The following ZNF654 variants were observed in gnomAD, a reference collection of about 807,000 sequenced individuals.
ZNF654 encodes melanoma-associated antigen.
Under a neutral mutation model 95.3 loss-of-function variants are expected in ZNF654, and 19 were observed. The observed-to-expected ratio is 0.20, with a 90% CI of 0.14 to 0.29. The LOEUF is 0.29. Ranked by LOEUF, ZNF654 falls within the 10% of genes least tolerant of loss-of-function variation. The pLI, the probability that ZNF654 is intolerant of heterozygous loss-of-function variation, is 1.00. For missense variants in ZNF654, 1,046 were observed against 1,341.0 expected, an observed-to-expected ratio of 0.78 and a Z score of 3.44; for synonymous variants, 413 against 457.9, an observed-to-expected ratio of 0.90 and a Z score of 1.25.
intron 1 of ZNF654, among the ~76,000 whole-genome samples, chr3:88,082,738 TAAG>T (rs1203855430): frequency 6.6e-6 from 1 of 152,204 alleles, no homozygotes; most frequent in East Asian, 1.9e-4. Context: ...AGAGCTCAAT[TAAG>T]AAACAGATAC....
In ZNF654 at chr3:88,135,151, A is replaced by G; in HGVS notation, c.984A>G (p.Thr328=). The change falls in exon 7 of 9, where the codon ACA becomes ACG. Residue 328 remains threonine, a synonymous_variant. Coordinates refer to ENST00000636215, the MANE Select transcript of ZNF654 (RefSeq NM_001350134.2). ...FVDQCYQLLR[T]ATNVRVIFPF... is the part of the protein sequence containing the mutation. ...ATCAATGCTACCAGCTTTTAAGAACAGCAACTAATGTGAGAGTCATATTTC... is the reference window on the plus strand; with the variant it reads ...ATCAATGCTACCAGCTTTTAAGAACGGCAACTAATGTGAGAGTCATATTTC... The G allele has an allele frequency of 6.7e-7, 1 of 1,492,640 alleles. No individual in the cohort carries two copies. Among genetic ancestry groups the G allele is most frequent in the Non-Finnish European group, 8.9e-7 (1 of 1,126,946 alleles). 92.5% of individuals were successfully genotyped at this position (1,492,640 alleles called of 1,614,324 possible).
chr3:88,086,940 G>T (rs569723446), intron 2 of ZNF654, among the ~76,000 whole-genome samples: 2 of 152,144 alleles, frequency 1.3e-5, no homozygotes, highest in East Asian at 1.9e-4. Flanking sequence ...CCGCCACCAC[G>T]CCTGGCTAAT....
intron 1 of ZNF654, among the ~76,000 whole-genome samples, chr3:88,071,992 A>C (rs542345435): frequency 6.6e-6 from 1 of 152,298 alleles, no homozygotes; most frequent in South Asian, 2.1e-4. Context: ...ACTTTTTCTT[A>C]CTATCAATCA....
rs1418172499 is a variant in ZNF654 at position 88,143,195 on chromosome 3, T to C, written c.*1543T>C. On this transcript the variant is annotated 3_prime_UTR_variant, in exon 9 of 9. Coordinates refer to ENST00000636215, the MANE Select transcript of ZNF654 (RefSeq NM_001350134.2). ...AGGTAGCATCCATATTTTATTAAAT[T>C]AGGATTTCCAGATCATGATAGATCA... 3 of 152,270 alleles carry C rather than the reference T, an allele frequency of 2.0e-5. No individual in the cohort carries two copies. Among genetic ancestry groups the C allele is most frequent in the Non-Finnish European group, 4.4e-5 (3 of 67,764 alleles). 9.4% of individuals were successfully genotyped at this position (152,270 alleles called of 1,614,324 possible). A position where few individuals can be genotyped will look rare whatever the true frequency, so the allele number is the denominator to read the frequency against.
intron 8 of ZNF654, 30 bp downstream of exon 8, chr3:88,141,078 T>G (rs1707096780): frequency 6.5e-7 from 1 of 1,541,598 alleles, no homozygotes; most frequent in South Asian, 1.3e-5. Flanking sequence ...AGTAGAGGTA[T>G]CTGTAGAAAG....
chr3:88,119,473 A>G (rs1705636615), intron 3 of ZNF654, among the ~76,000 whole-genome samples: 1 of 150,270 alleles, frequency 6.7e-6, no homozygotes, highest in Non-Finnish European at 1.5e-5. Context: ...GCGCACCAGC[A>G]TGGCACATGT....
At chr3:88,117,291 G>A (rs1705470774) in intron 3 of ZNF654, among the ~76,000 whole-genome samples, 1 of 152,136 alleles carries the variant, frequency 6.6e-6, no homozygotes, top group African/African-American at 2.4e-5. Context: ...GAAAGTTCCT[G>A]AAAATGTAGG....
At chr3:88,095,910 A>G in intron 2 of ZNF654, 1 of 411,250 alleles carries the variant, frequency 2.4e-6, no homozygotes, top group South Asian at 2.0e-5. Context: ...CACCTTCTCC[A>G]CAGTCTACTC....
At chr3:88,061,418 A>T (rs1706876564) in intron 1 of ZNF654, among the ~76,000 whole-genome samples, 1 of 152,198 alleles carries the variant, frequency 6.6e-6, no homozygotes, top group Admixed American at 6.5e-5. Flanking sequence ...GAACTTAATG[A>T]ACGTTTATTT....
At chr3:88,131,275 A>G (rs368173109) in intron 6 of ZNF654, among the ~76,000 whole-genome samples, 1 of 152,226 alleles carries the variant, frequency 6.6e-6, no homozygotes, top group South Asian at 2.1e-4. Flanking sequence ...CCACTGTTGT[A>G]TACGCAGTCT....
At chr3:88,138,630 GT>G (rs1191396110) in intron 7 of ZNF654, 74 bp from the exon 8 acceptor site, 1 of 899,300 alleles carries the variant, frequency 1.1e-6, no homozygotes, top group Admixed American at 4.3e-5. Context: ...TAAGAGTTGT[GT>G]TTTTTAAAGA....
chr3:88,109,931 G>A (rs1704987742), intron 2 of ZNF654, among the ~76,000 whole-genome samples: 1 of 151,996 alleles, frequency 6.6e-6, no homozygotes, highest in Admixed American at 6.6e-5. Context: ...AGTTTAATCA[G>A]ATTTTTAAAA....
At chr3:88,083,937 TA>T (rs1425203912) in intron 1 of ZNF654, among the ~76,000 whole-genome samples, 1 of 35,940 alleles carries the variant, frequency 2.8e-5, no homozygotes, top group Non-Finnish European at 6.1e-5. Context: ...GTAATGTACT[TA>T]TTTTATATAT....
In ZNF654 at chr3:88,143,501, T is replaced by G. The variant is rs774063350; in HGVS notation, c.*1849T>G. On this transcript the variant is annotated 3_prime_UTR_variant, in exon 9 of 9. Coordinates refer to ENST00000636215, the MANE Select transcript of ZNF654 (RefSeq NM_001350134.2). ...TATGTCTTGTAATAAAAAGTCTGTT[T>G]GGAAACTGGTTCATTTGGACAGTGA... 1.3e-5 allele frequency: 2 copies of G among 152,326 alleles called. No homozygotes were observed. Among genetic ancestry groups the G allele is most frequent in the African/African-American group, 4.8e-5 (2 of 41,438 alleles). 9.4% of individuals were successfully genotyped at this position (152,326 alleles called of 1,614,324 possible).
Position 88,140,963 on chromosome 3 carries a change from C to A in ZNF654, c.3294C>A (p.Thr1098=), listed in dbSNP as rs756956635. The A allele has an allele frequency of 6.2e-7, 1 of 1,613,380 alleles. No individual in the cohort carries two copies. Among genetic ancestry groups the A allele is most frequent in the Non-Finnish European group, 8.5e-7 (1 of 1,179,540 alleles). Residue 1098 remains threonine, a synonymous_variant, in exon 8 of 9, where the codon ACC becomes ACA. Coordinates refer to ENST00000636215, the MANE Select transcript of ZNF654 (RefSeq NM_001350134.2). ...GATTAAGATGTGGCAAATGCCTGAC[C>A]ACCTACTGTAATGCAGAAGCACTTG... The part of the protein sequence containing the change: ...VKRLRCGKCL[T]TYCNAEALEA...
chr3:88,099,936 A>G (rs943085696), intron 2 of ZNF654, among the ~76,000 whole-genome samples: 7 of 152,214 alleles, frequency 4.6e-5, no homozygotes, highest in African/African-American at 1.4e-4. Flanking sequence ...TGACTAAAAC[A>G]CCAAAGGCAA....
chr3:88,065,273 C>CT (rs144267408), intron 1 of ZNF654, among the ~76,000 whole-genome samples: 73 of 149,120 alleles, frequency 4.9e-4, no homozygotes, highest in African/African-American at 1.1e-3. Context: ...GAGCTAAATC[C>CT]TTTTTTTTTT....
At chr3:88,063,852 G>T (rs1461994595) in intron 1 of ZNF654, among the ~76,000 whole-genome samples, 1 of 152,064 alleles carries the variant, frequency 6.6e-6, no homozygotes, top group Non-Finnish European at 1.5e-5. Context: ...TTTGTGTCAT[G>T]ATCCAGGGTA....
chr3:88,116,042 C>G (rs1705369103), intron 3 of ZNF654, among the ~76,000 whole-genome samples: 1 of 152,088 alleles, frequency 6.6e-6, no homozygotes, highest in South Asian at 2.1e-4. Context: ...AGAACTTCCA[C>G]TGGTATCCAG....
Sources: allele counts gnomAD v4.1 joint callset (sites outside exome capture counted in the v4.1 genomes callset), GRCh38; gene constraint gnomAD v4.1.1; transcripts MANE v1.5; gene names NCBI Gene and HGNC (gene_info 2026-07-23, HGNC 2026-07-21).